Variants in BBX observed in about 807,000 individuals in gnomAD.
BBX encodes the protein BBX high mobility group box domain containing, also known as HMG box transcription factor BBX.
In BBX, 30 loss-of-function variants were observed where a neutral mutation model predicts 100.2. That is an observed-to-expected ratio of 0.30 (90% CI 0.22 to 0.41). The LOEUF is 0.41. BBX is among the 10% of genes least tolerant of loss of function. The pLI, the probability that BBX is intolerant of heterozygous loss-of-function variation, is 1.00. For synonymous variants in BBX, 376 were observed against 388.1 expected (o/e 0.97, Z 0.37); for missense variants, 1,023 against 1,129.8 (o/e 0.91, Z 1.35).
In BBX at chr3:107,621,717, A is replaced by G. The variant is rs574889920; in HGVS notation, c.-83-24119A>G. 1.0e-3 allele frequency among the ~76,000 whole-genome samples: 158 copies of G among 152,304 alleles called. 1 individual carries two copies. Among genetic ancestry groups the G allele is most frequent in the African/African-American group, 3.7e-3 (153 of 41,570 alleles). On this transcript the variant is annotated intron_variant, in intron 2 of 17. Coordinates refer to ENST00000325805, the MANE Select transcript of BBX (RefSeq NM_001142568.3). ...CTATTTTGGTCTTGGTTTTGTATAT[A>G]CAGTTAAAGCAGGAAGCATATTGGG...
At chr3:107,706,272 T>C (rs542681825) in intron 3 of BBX, among the ~76,000 whole-genome samples, 1 of 152,252 alleles carries the variant, frequency 6.6e-6, no homozygotes, top group Admixed American at 6.5e-5. Context: ...CCACCCGCCT[T>C]GGCCTCCCAA....
At chr3:107,700,938 T>A (rs1035167230) in intron 3 of BBX, among the ~76,000 whole-genome samples, 6 of 151,932 alleles carry the variant, frequency 3.9e-5, no homozygotes, top group African/African-American at 1.5e-4. Context: ...TGATTTATAA[T>A]CCTTTGGGTA....
At chr3:107,733,188 TA>T (rs199605174) in intron 7 of BBX, among the ~76,000 whole-genome samples, 165 bp downstream of exon 7, 10 of 151,270 alleles carry the variant, frequency 6.6e-5, no homozygotes, top group South Asian at 2.1e-4. Context: ...GTGTTGAGTG[TA>T]AAAAAAAAGT....
At chr3:107,691,262 A>G (rs1423794130) in intron 3 of BBX, among the ~76,000 whole-genome samples, 2 of 152,098 alleles carry the variant, frequency 1.3e-5, no homozygotes, top group Non-Finnish European at 2.9e-5. Context: ...ACGAATAGGA[A>G]CTGTGTTTTG....
chr3:107,662,288 G>T (rs2058490072), intron 3 of BBX, among the ~76,000 whole-genome samples: 1 of 152,150 alleles, frequency 6.6e-6, no homozygotes, highest in African/African-American at 2.4e-5. Flanking sequence ...GAGTGGAAGT[G>T]AGTAATTTCT....
intron 2 of BBX, among the ~76,000 whole-genome samples, chr3:107,633,666 C>G (rs1005252406): frequency 6.6e-5 from 10 of 152,122 alleles, no homozygotes; most frequent in African/African-American, 2.2e-4. Context: ...AAGAGGAACT[C>G]ACTTCATTTT....
At position 107,744,626 on chromosome 3, in the gene BBX, T is replaced by C; in HGVS notation, c.670-4T>C. The C allele has an allele frequency of 6.2e-7, 1 of 1,610,484 alleles. No homozygotes were observed. The highest frequency in any genetic ancestry group is 8.5e-7 in the Non-Finnish European group (1 of 1,176,982). On this transcript the variant is annotated splice_polypyrimidine_tract_variant and splice_region_variant and intron_variant, in intron 7 of 17. Coordinates refer to ENST00000325805, the MANE Select transcript of BBX (RefSeq NM_001142568.3). ...AGAAAATATGATATCTTTCTTTGTT[T>C]CAGGTATCCTCTGGCACATGCAGGC...
intron 9 of BBX, among the ~76,000 whole-genome samples, chr3:107,748,935 TG>T (rs1320739678): frequency 6.6e-6 from 1 of 152,132 alleles, no homozygotes; most frequent in Non-Finnish European, 1.5e-5. Flanking sequence ...GATATCCTTT[TG>T]GCAGAAGAAA....
At chr3:107,745,767 G>C (rs2107616819) in intron 8 of BBX, among the ~76,000 whole-genome samples, 1 of 152,036 alleles carries the variant, frequency 6.6e-6, no homozygotes, top group South Asian at 2.1e-4. Flanking sequence ...ACTCTTTTTT[G>C]TCAAAAGCAG....
At position 107,630,368 on chromosome 3, in the gene BBX, T is replaced by A. The variant is rs374987601; in HGVS notation, c.-83-15468T>A. The stretch of plus-strand genomic sequence containing the variant: ...TCAGAGTAAATATAAGGACTCTTTA[T>A]ATTTGAATATGTTCTCCCTCCTCCT... On this transcript the variant is annotated intron_variant, in intron 2 of 17. Transcript: ENST00000325805. Among the ~76,000 whole-genome samples the A allele has an allele frequency of 1.2e-4, 18 of 152,320 alleles. No individual in the cohort carries two copies. The South Asian group carries it at 3.7e-3, about 32-fold the overall frequency.
At chr3:107,577,560 C>T (rs187157563) in intron 2 of BBX, among the ~76,000 whole-genome samples, 1 of 152,128 alleles carries the variant, frequency 6.6e-6, no homozygotes, top group East Asian at 1.9e-4. Flanking sequence ...GTAATAGTAC[C>T]TGCCTCACTG....
chr3:107,726,324 C>T (rs901614211), intron 5 of BBX, among the ~76,000 whole-genome samples: 1 of 151,790 alleles, frequency 6.6e-6, no homozygotes, highest in African/African-American at 2.4e-5. Flanking sequence ...TCCCTTGATG[C>T]TCATATACTG....
chr3:107,649,224 A>G (rs2057698729), intron 3 of BBX, among the ~76,000 whole-genome samples: 1 of 152,228 alleles, frequency 6.6e-6, no homozygotes, highest in Non-Finnish European at 1.5e-5. Context: ...GGTCCGTCTC[A>G]TGACATGGGG....
At chr3:107,753,909 G>A (rs764402733) in intron 9 of BBX, among the ~76,000 whole-genome samples, 1 of 152,096 alleles carries the variant, frequency 6.6e-6, no homozygotes, top group Non-Finnish European at 1.5e-5. Flanking sequence ...TTTTGGAATT[G>A]TACCAAAAAG....
At chr3:107,679,736 T>G (rs150166892) in intron 3 of BBX, among the ~76,000 whole-genome samples, 5 of 152,284 alleles carry the variant, frequency 3.3e-5, no homozygotes, top group African/African-American at 1.2e-4. Flanking sequence ...GCTTTCTCTT[T>G]CCTCTGAACT....
intron 17 of BBX, 120 bp from the exon 18 acceptor site, chr3:107,805,250 A>C (rs9842741): frequency 0.13 from 140,491 of 1,095,182 alleles, 10,302 homozygotes; most frequent in Non-Finnish European, 0.15. Context: ...TCATTAAATG[A>C]TGTAAGTAAC....
At chr3:107,575,098 G>T (rs1301507752) in intron 2 of BBX, among the ~76,000 whole-genome samples, 1 of 152,162 alleles carries the variant, frequency 6.6e-6, no homozygotes, top group Non-Finnish European at 1.5e-5. Context: ...GCCATTACCT[G>T]GATAATCCCA....
At chr3:107,640,103 G>A (rs1408536944) in intron 2 of BBX, among the ~76,000 whole-genome samples, 1 of 152,110 alleles carries the variant, frequency 6.6e-6, no homozygotes, top group South Asian at 2.1e-4. Context: ...AGAGATGTAG[G>A]GATTGTTATC....
chr3:107,533,325 A>G (rs975313355), intron 2 of BBX, among the ~76,000 whole-genome samples: 10 of 152,182 alleles, frequency 6.6e-5, no homozygotes, highest in African/African-American at 2.2e-4. Flanking sequence ...ACTTAACCCA[A>G]TGAAAAATTA....
Sources: allele counts gnomAD v4.1 joint callset (sites outside exome capture counted in the v4.1 genomes callset), GRCh38; gene constraint gnomAD v4.1.1; transcripts MANE v1.5; gene names NCBI Gene and HGNC (gene_info 2026-07-23, HGNC 2026-07-21).